The following NR2F1-AS1 variants were observed in gnomAD, a reference collection of about 807,000 sequenced individuals.
NR2F1-AS1 encodes the protein NR2F1 antisense RNA 1.
intron 2 of NR2F1-AS1, among the ~76,000 whole-genome samples, chr5:93,556,085 T>G (rs1038900110): frequency 2.0e-5 from 3 of 152,130 alleles, no homozygotes; most frequent in Non-Finnish European, 2.9e-5. Flanking sequence ...CCTAAAGTAT[T>G]TATTCCTACA....
At chr5:93,417,153 G>C (rs1272333479) in intron 4 of NR2F1-AS1, among the ~76,000 whole-genome samples, 1 of 152,150 alleles carries the variant, frequency 6.6e-6, no homozygotes, top group African/African-American at 2.4e-5. Flanking sequence ...TAAAGGAATA[G>C]TGCCATCCCC....
At chr5:93,421,870 C>G (rs537468661) in intron 4 of NR2F1-AS1, among the ~76,000 whole-genome samples, 1 of 152,154 alleles carries the variant, frequency 6.6e-6, no homozygotes, top group Non-Finnish European at 1.5e-5. Context: ...CATAATTGGG[C>G]TTCTGTCACT....
At chr5:93,585,557 C>A, upstream of NR2F1-AS1, 2 of 1,309,068 alleles carry the variant, frequency 1.5e-6, no homozygotes, top group South Asian at 1.4e-5. Context: ...CTTTCTCGCC[C>A]GGGTGGTTGC....
At chr5:93,428,263 T>C (rs150923543) in intron 4 of NR2F1-AS1, among the ~76,000 whole-genome samples, 3 of 152,264 alleles carry the variant, frequency 2.0e-5, no homozygotes, top group East Asian at 3.9e-4. Flanking sequence ...CAGCAAATGA[T>C]TGTCAGCAAA....
chr5:93,560,249 T>G (rs1196767444), intron 2 of NR2F1-AS1, among the ~76,000 whole-genome samples: 1 of 152,206 alleles, frequency 6.6e-6, no homozygotes, highest in African/African-American at 2.4e-5. Flanking sequence ...TTTTTTACAC[T>G]TCTCTTGGGT....
At chr5:93,490,735 G>T (rs2149879925) in intron 4 of NR2F1-AS1, among the ~76,000 whole-genome samples, 1 of 150,964 alleles carries the variant, frequency 6.6e-6, no homozygotes, top group South Asian at 2.1e-4. Flanking sequence ...CCTGGTAATG[G>T]TGGCATTGAT....
intron 4 of NR2F1-AS1, among the ~76,000 whole-genome samples, chr5:93,527,693 C>A (rs185960350): frequency 6.6e-6 from 1 of 152,222 alleles, no homozygotes; most frequent in Admixed American, 6.5e-5. Flanking sequence ...AATAATGCCA[C>A]ACATCTACAA....
At chr5:93,571,889 G>A (rs1752777676) in intron 1 of NR2F1-AS1, among the ~76,000 whole-genome samples, 1 of 151,758 alleles carries the variant, frequency 6.6e-6, no homozygotes, top group African/African-American at 2.4e-5. Context: ...TAGGATTTGT[G>A]TGAACCTAAG....
intron 1 of NR2F1-AS1, among the ~76,000 whole-genome samples, chr5:93,580,128 C>G (rs1274619179): frequency 1.3e-5 from 2 of 152,350 alleles, no homozygotes; most frequent in African/African-American, 4.8e-5. Context: ...TGCGGGTCCC[C>G]GTCCTCCGCC....
exon 1 of NR2F1-AS1, chr5:93,580,754 T>C (rs1469921980): frequency 2.0e-5 from 3 of 152,364 alleles, no homozygotes; most frequent in African/African-American, 7.2e-5. Flanking sequence ...TCTTTTCTTT[T>C]GGTCTATTTT....
In NR2F1-AS1 at chr5:93,539,535, T is replaced by C. The variant is rs751223875; in HGVS notation, n.638+14226A>G. Among the ~76,000 whole-genome samples the C allele has an allele frequency of 4.1e-4, 63 of 152,086 alleles. 1 individual carries two copies. Among genetic ancestry groups the C allele is most frequent in the Admixed American group, 2.9e-3 (44 of 15,256 alleles). The stretch of plus-strand genomic sequence containing the variant: ...GACAAATACCACATGATCTCACTCA[T>C]ATGCTGAATCTTCAAAAAAAATTAT... On this transcript the variant is annotated intron_variant and non_coding_transcript_variant, in intron 4 of 5. Transcript: ENST00000660523.
chr5:93,549,263 C>T (rs976841601), intron 4 of NR2F1-AS1, among the ~76,000 whole-genome samples: 3 of 151,952 alleles, frequency 2.0e-5, no homozygotes, highest in Admixed American at 6.6e-5. Flanking sequence ...CTATTCTATA[C>T]GTTCATATAA....
chr5:93,424,573 C>T lies in NR2F1-AS1; in HGVS notation n.639-29031G>A, dbSNP rs1308126605. Among the ~76,000 whole-genome samples the T allele has an allele frequency of 3.3e-5, 5 of 152,202 alleles. No homozygotes were observed. The South Asian group carries it at 1.0e-3, about 32-fold the overall frequency. Reference sequence around the variant, plus strand: ...TTACTATATCCCACTTGGACCTCTGCATTAGCCTCCTCAATCCTCCCTACC... The same window carrying T: ...TTACTATATCCCACTTGGACCTCTGTATTAGCCTCCTCAATCCTCCCTACC... On this transcript the variant is annotated intron_variant and non_coding_transcript_variant, in intron 4 of 5. Coordinates refer to ENST00000660523, the Ensembl canonical transcript of NR2F1-AS1.
intron 4 of NR2F1-AS1, among the ~76,000 whole-genome samples, chr5:93,488,807 A>G (rs1750778312): frequency 6.6e-6 from 1 of 152,234 alleles, no homozygotes; most frequent in East Asian, 1.9e-4. Context: ...ACATATGTTT[A>G]TTGCAGCATT....
At chr5:93,539,748 G>A (rs1228565187) in intron 4 of NR2F1-AS1, among the ~76,000 whole-genome samples, 1 of 152,132 alleles carries the variant, frequency 6.6e-6, no homozygotes, top group Non-Finnish European at 1.5e-5. Context: ...CAAACAGCAA[G>A]AAGAGAGGCC....
At chr5:93,580,239 C>T (rs1752991997) in intron 1 of NR2F1-AS1, among the ~76,000 whole-genome samples, 3 of 152,258 alleles carry the variant, frequency 2.0e-5, no homozygotes, top group Admixed American at 1.3e-4. Flanking sequence ...ACGATCCTCC[C>T]CTCCAAGGAG....
chr5:93,512,068 G>A (rs982365217), intron 4 of NR2F1-AS1, among the ~76,000 whole-genome samples: 2 of 152,154 alleles, frequency 1.3e-5, no homozygotes, highest in Non-Finnish European at 2.9e-5. Flanking sequence ...TGCTCCTTCA[G>A]GAGCCTCAGG....
chr5:93,525,840 G>A (rs2149897796), intron 4 of NR2F1-AS1, among the ~76,000 whole-genome samples: 1 of 152,254 alleles, frequency 6.6e-6, no homozygotes, highest in Non-Finnish European at 1.5e-5. Flanking sequence ...CAAAGACTCT[G>A]GGACACAGCT....
In NR2F1-AS1 at chr5:93,445,272, T is replaced by G. The variant is rs538143069; in HGVS notation, n.639-49730A>C. Among the ~76,000 whole-genome samples, 177 of 152,196 alleles carry G rather than the reference T, an allele frequency of 1.2e-3. 2 individuals are homozygous for G. Among genetic ancestry groups the G allele is most frequent in the African/African-American group, 4.1e-3 (171 of 41,530 alleles). On this transcript the variant is annotated intron_variant and non_coding_transcript_variant, in intron 4 of 5. Transcript: ENST00000660523. ...TCAATGAATCCAGGAGTTGGTTTTT[T>G]GAAAGGATCAACAAAATTGATAGAC... is the stretch of plus-strand genomic sequence containing the variant.
Sources: gnomAD v4.1 joint callset for allele counts (sites outside exome capture counted in the v4.1 genomes callset) on GRCh38, gnomAD v4.1.1 for gene constraint, MANE v1.5 for transcripts, NCBI Gene and HGNC (gene_info 2026-07-23, HGNC 2026-07-21) for gene names.